GRIA1: variants seen among roughly 807,000 people sequenced by gnomAD.
GRIA1 encodes glutamate ionotropic receptor AMPA type subunit 1.
In GRIA1, 31 loss-of-function variants were observed where a neutral mutation model predicts 99.2. That is an observed-to-expected ratio of 0.31 (90% CI 0.23 to 0.42). GRIA1 has a LOEUF of 0.42. Among genes scored for constraint, GRIA1 ranks in the 10% least tolerant of loss-of-function variants. The pLI is 1.00. For missense variants in GRIA1, 782 were observed against 1,157.5 expected, an observed-to-expected ratio of 0.68 and a Z score of 4.71; for synonymous variants, 438 against 432.4, an observed-to-expected ratio of 1.01 and a Z score of -0.16.
At chr5:153,681,697 GCCTC>G (rs1756981645) in intron 7 of GRIA1, among the ~76,000 whole-genome samples, 1 of 152,078 alleles carries the variant, frequency 6.6e-6, no homozygotes, top group Admixed American at 6.5e-5. Context: ...TCCTAGTGCT[GCCTC>G]CCTGACTGGC....
chr5:153,759,283 C>T (rs1330977738), intron 11 of GRIA1, among the ~76,000 whole-genome samples: 2 of 151,276 alleles, frequency 1.3e-5, no homozygotes, highest in African/African-American at 2.4e-5. Flanking sequence ...AAAAGAGTTG[C>T]TTTTTAGAAA....
At chr5:153,554,472 A>T (rs1219844394) in intron 2 of GRIA1, among the ~76,000 whole-genome samples, 1 of 151,986 alleles carries the variant, frequency 6.6e-6, no homozygotes, top group Non-Finnish European at 1.5e-5. Context: ...GGGGCTCAGG[A>T]AGTGGTTTTT....
intron 11 of GRIA1, among the ~76,000 whole-genome samples, chr5:153,747,321 T>G (rs1762221452): frequency 6.6e-6 from 1 of 152,156 alleles, no homozygotes; most frequent in Non-Finnish European, 1.5e-5. Flanking sequence ...CATGAACTGA[T>G]GGAGCAAGAA....
At chr5:153,656,383 T>TTATA (rs60245651) in intron 5 of GRIA1, among the ~76,000 whole-genome samples, 6,592 of 92,000 alleles carry the variant, frequency 0.072, 298 homozygotes, top group East Asian at 0.16. Flanking sequence ...ATAAGTTTGT[T>TTATA]TATATATATA....
At chr5:153,658,659 T>G (rs1755128865) in intron 5 of GRIA1, among the ~76,000 whole-genome samples, 1 of 152,220 alleles carries the variant, frequency 6.6e-6, no homozygotes, top group Non-Finnish European at 1.5e-5. Flanking sequence ...TGCCACATAA[T>G]TAGCCTACTG....
intron 8 of GRIA1, among the ~76,000 whole-genome samples, chr5:153,690,017 A>G (rs1757632564): frequency 6.6e-6 from 1 of 152,172 alleles, no homozygotes; most frequent in Admixed American, 6.5e-5. Context: ...CTGTAGCAAG[A>G]TTAATGGTTC....
chr5:153,726,539 T>G (rs1760545753), intron 11 of GRIA1, among the ~76,000 whole-genome samples: 1 of 151,634 alleles, frequency 6.6e-6, no homozygotes, highest in Non-Finnish European at 1.5e-5. Context: ...ATAGATGCAA[T>G]AAAAAATAAT....
chr5:153,637,009 C>A (rs899769441), intron 2 of GRIA1, among the ~76,000 whole-genome samples: 2 of 152,204 alleles, frequency 1.3e-5, no homozygotes, highest in Non-Finnish European at 2.9e-5. Context: ...TCTCCCTGAA[C>A]TTCAGCTTCC....
At chr5:153,741,246 T>C (rs1167407994) in intron 11 of GRIA1, among the ~76,000 whole-genome samples, 1 of 152,122 alleles carries the variant, frequency 6.6e-6, no homozygotes, top group Non-Finnish European at 1.5e-5. Context: ...AGTGCTGGGA[T>C]TACAGGCGTG....
chr5:153,764,453 G>A lies in GRIA1; in HGVS notation c.1843G>A (p.Val615Ile). 6.2e-7 allele frequency: 1 copy of A among 1,613,874 alleles called. No homozygotes were observed. Among genetic ancestry groups the A allele is most frequent in the Non-Finnish European group, 8.5e-7 (1 of 1,179,822 alleles). The change falls in exon 12 of 16, where the codon GTT becomes ATT. Residue 615 changes from valine to isoleucine, a missense_variant. Transcript: ENST00000285900. ...CTGCAGGTCCCTGTCTGGTCGCATCGTTGGTGGCGTCTGGTGGTTCTTCAC... is the reference window on the plus strand; with the variant it reads ...CTGCAGGTCCCTGTCTGGTCGCATCATTGGTGGCGTCTGGTGGTTCTTCAC... The part of the protein sequence containing the change: ...ISPRSLSGRI[V>I]GGVWWFFTLI...
At chr5:153,698,294 C>T in intron 9 of GRIA1, 140 bp downstream of exon 9, 2 of 516,622 alleles carry the variant, frequency 3.9e-6, no homozygotes. Context: ...AAAGGGAATG[C>T]CCTGAAAATG....
intron 3 of GRIA1, 148 bp from the exon 4 acceptor site, chr5:153,650,182 A>T: frequency 1.6e-6 from 1 of 615,256 alleles, no homozygotes; most frequent in Non-Finnish European, 2.8e-6. Context: ...CACAGAGTTC[A>T]GAGTTTTGCA....
chr5:153,614,526 C>T (rs1170680137), intron 2 of GRIA1, among the ~76,000 whole-genome samples: 1 of 152,206 alleles, frequency 6.6e-6, no homozygotes, highest in African/African-American at 2.4e-5. Context: ...AAGTCACTCA[C>T]CCAAGATTAT....
intron 5 of GRIA1, among the ~76,000 whole-genome samples, 155 bp from the exon 6 acceptor site, chr5:153,674,345 A>G (rs1260060924): frequency 6.6e-6 from 1 of 152,256 alleles, no homozygotes; most frequent in Non-Finnish European, 1.5e-5. Flanking sequence ...CAAACTAAGT[A>G]ATAATCAAGT....
At chr5:153,647,285 T>G (rs1237226249) in intron 3 of GRIA1, 118 bp downstream of exon 3, 1 of 1,255,402 alleles carries the variant, frequency 8.0e-7, no homozygotes, top group African/African-American at 1.5e-5. Flanking sequence ...CCAAAATGCT[T>G]TATTTCTGAG....
At chr5:153,607,712 C>T (rs1765580174) in intron 2 of GRIA1, among the ~76,000 whole-genome samples, 1 of 151,980 alleles carries the variant, frequency 6.6e-6, no homozygotes, top group African/African-American at 2.4e-5. Flanking sequence ...ACCTTGAATA[C>T]TTAGTTTTAT....
intron 11 of GRIA1, among the ~76,000 whole-genome samples, chr5:153,735,009 G>T (rs1483203807): frequency 1.3e-5 from 2 of 152,096 alleles, no homozygotes; most frequent in African/African-American, 4.8e-5. Context: ...CCACAACTTG[G>T]GGATGGGAGC....
rs201687983 is a variant in GRIA1, at chr5:153,577,042, G to GTGGATGGATGGA, written c.221-69859_221-69848dup. Among the ~76,000 whole-genome samples, 120 of 104,308 alleles carry GTGGATGGATGGA rather than the reference G, an allele frequency of 1.2e-3. 5 individuals are homozygous for GTGGATGGATGGA. Among genetic ancestry groups the GTGGATGGATGGA allele is most frequent in the African/African-American group, 2.5e-3 (72 of 28,582 alleles). The allele number at this position is 104,308 out of a possible 152,430, so 68.4% of individuals were successfully genotyped here. On this transcript the variant is annotated intron_variant, in intron 2 of 15. Coordinates refer to ENST00000285900, the MANE Select transcript of GRIA1 (RefSeq NM_000827.4). ...GATGGATAAGTGGGTAGATGAATGG[G>GTGGATGGATGGA]TGGATGGATGGATGGATGGATGGAT...
intron 14 of GRIA1, among the ~76,000 whole-genome samples, chr5:153,798,757 A>G (rs1765801617): frequency 6.6e-6 from 1 of 152,162 alleles, no homozygotes; most frequent in Admixed American, 6.5e-5. Flanking sequence ...CTCCTCATGA[A>G]TCAGCCCTAC....
Sources: allele counts gnomAD v4.1 joint callset (sites outside exome capture counted in the v4.1 genomes callset), GRCh38; gene constraint gnomAD v4.1.1; transcripts MANE v1.5; gene names NCBI Gene and HGNC (gene_info 2026-07-23, HGNC 2026-07-21).